Variants in SMAD3 observed in about 807,000 individuals in gnomAD.
SMAD3 encodes MAD homolog 3.
SMAD3 carries 12 observed loss-of-function variants against 51.8 expected under a neutral mutation model. The ratio of observed to expected loss-of-function variants is 0.23; its 90% CI spans 0.15 to 0.38. The LOEUF is 0.38. Among genes scored for constraint, SMAD3 ranks in the 10% least tolerant of loss-of-function variants. SMAD3 has a pLI of 1.00. For missense variants in SMAD3, 294 were observed against 565.6 expected (o/e 0.52, Z 4.87); for synonymous variants, 238 against 227.7 (o/e 1.05, Z -0.41).
In SMAD3 at chr15:67,165,094, C is replaced by A; in HGVS notation, c.400+6C>A. ...CCAGAGAGTAGAGACACCAGGTATG[C>A]TGCCTGGCCTGCCTGTGGGGACAGC... On this transcript the variant is annotated splice_donor_region_variant and intron_variant, in intron 2 of 8. Coordinates refer to ENST00000327367, the MANE Select transcript of SMAD3 (RefSeq NM_005902.4). 2.5e-6 allele frequency: 4 copies of A among 1,613,396 alleles called. No individual in the cohort carries two copies. Among genetic ancestry groups the A allele is most frequent in the Non-Finnish European group, 3.4e-6 (4 of 1,179,342 alleles).
At chr15:67,138,352 T>G in intron 1 of SMAD3, 5 of 435,152 alleles carry the variant, frequency 1.1e-5, no homozygotes, top group East Asian at 8.2e-5. Context: ...GAACCCCCCC[T>G]CCCCCGGCCC....
intron 1 of SMAD3, among the ~76,000 whole-genome samples, chr15:67,114,322 C>T (rs185634450): frequency 4.6e-5 from 7 of 152,282 alleles, no homozygotes; most frequent in Non-Finnish European, 2.9e-5. Flanking sequence ...AACAGCTTCT[C>T]ATGGAATTGG....
At chr15:67,104,829 G>A (rs990301906) in intron 1 of SMAD3, among the ~76,000 whole-genome samples, 5 of 152,378 alleles carry the variant, frequency 3.3e-5, no homozygotes, top group African/African-American at 7.2e-5. Context: ...GAATGAAGCC[G>A]TTTCCATTAA....
In SMAD3 at chr15:67,182,986, T is replaced by TAAAA. The variant is rs35277759; in HGVS notation, c.871+1545_871+1548dup. Reference sequence around the variant, plus strand: ...CAACTGGCTTTTTTCTATATTTTATTAAAAAAAAAAAAAAATATATATATA... The same window carrying TAAAA: ...CAACTGGCTTTTTTCTATATTTTATTAAAAAAAAAAAAAAAAAAATATATATATA... On this transcript the variant is annotated intron_variant, in intron 6 of 8. Coordinates refer to ENST00000327367, the MANE Select transcript of SMAD3 (RefSeq NM_005902.4). 4.6e-3 allele frequency among the ~76,000 whole-genome samples: 223 copies of TAAAA among 48,036 alleles called. 2 individuals are homozygous for TAAAA. The highest frequency in any genetic ancestry group is 6.6e-3 in the Non-Finnish European group (202 of 30,642). The allele number at this position is 48,036 out of a possible 152,430, so 31.5% of individuals were successfully genotyped here.
intron 7 of SMAD3, chr15:67,186,521 G>A (rs1156477152): frequency 6.5e-6 from 1 of 153,932 alleles, no homozygotes; most frequent in Non-Finnish European, 1.4e-5. Flanking sequence ...GCCTGCTGTT[G>A]GCTCATTCAT....
chr15:67,129,737 G>A (rs1961476885), intron 1 of SMAD3, among the ~76,000 whole-genome samples: 1 of 152,170 alleles, frequency 6.6e-6, no homozygotes, highest in Non-Finnish European at 1.5e-5. Context: ...GTTTAATACA[G>A]TGTATCCCAA....
chr15:67,072,059 C>A (rs981473831), intron 1 of SMAD3, among the ~76,000 whole-genome samples: 1 of 152,148 alleles, frequency 6.6e-6, no homozygotes, highest in Non-Finnish European at 1.5e-5. Context: ...GCATTTAATT[C>A]TGATGAGAAA....
chr15:67,105,456 A>G (rs995915343), intron 1 of SMAD3, among the ~76,000 whole-genome samples: 2 of 152,174 alleles, frequency 1.3e-5, no homozygotes, highest in Admixed American at 6.5e-5. Flanking sequence ...CAGAGCCCCT[A>G]CGGGAAGCAA....
intron 4 of SMAD3, among the ~76,000 whole-genome samples, chr15:67,169,423 C>T (rs2140299776): frequency 6.6e-6 from 1 of 152,256 alleles, no homozygotes; most frequent in East Asian, 1.9e-4. Flanking sequence ...TGGACCCAGT[C>T]TCAGGACTGA....
intron 1 of SMAD3, chr15:67,138,344 A>T: frequency 2.6e-5 from 11 of 418,238 alleles, no homozygotes; most frequent in Non-Finnish European, 4.8e-5. Flanking sequence ...CCTCCCCTGA[A>T]CCCCCCCTCC....
chr15:67,191,937 GGAAAAAA>G lies in SMAD3; in HGVS notation c.*1411_*1417del, dbSNP rs752492048. 4.4e-5 allele frequency: 10 copies of G among 227,518 alleles called. No individual in the cohort carries two copies. The highest frequency in any genetic ancestry group is 7.9e-5 in the Non-Finnish European group (9 of 114,394). The allele number at this position is 227,518 out of a possible 1,614,324, so 14.1% of individuals were successfully genotyped here. On this transcript the variant is annotated 3_prime_UTR_variant, in exon 9 of 9. Coordinates refer to ENST00000327367, the MANE Select transcript of SMAD3 (RefSeq NM_005902.4). ...AAAACTAGTCTAAATTATTTCAACT[GGAAAAAA>G]GAAAAAAGAGTCCTCTTCTTTTCCC...
chr15:67,150,845 G>GTTTTTTT (rs1342434861), intron 1 of SMAD3, among the ~76,000 whole-genome samples: 26 of 14,356 alleles, frequency 1.8e-3, no homozygotes, highest in Non-Finnish European at 3.2e-3. Flanking sequence ...CTATTTCTCA[G>GTTTTTTT]TCTTTTTTTT....
chr15:67,106,545 A>G lies in SMAD3; in HGVS notation c.206+40185A>G, dbSNP rs146489712. On this transcript the variant is annotated intron_variant, in intron 1 of 8. Transcript: ENST00000327367. ...CTTCTGAGACCCTACTCCAGCTTGT[A>G]GTTCTAAATCTGTGATTATGCACTG... Among the ~76,000 whole-genome samples, 372 of 152,252 alleles carry G rather than the reference A, an allele frequency of 2.4e-3. 3 individuals are homozygous for G. Among genetic ancestry groups the G allele is most frequent in the Middle Eastern group, 0.02 (6 of 294 alleles).
chr15:67,186,355 C>T (rs1446481583), intron 7 of SMAD3, among the ~76,000 whole-genome samples: 1 of 152,228 alleles, frequency 6.6e-6, no homozygotes, highest in Non-Finnish European at 1.5e-5. Context: ...GCCCCACCCC[C>T]ATCTTTTGGG....
intron 1 of SMAD3, among the ~76,000 whole-genome samples, chr15:67,140,113 ACT>A (rs1366182432): frequency 7.4e-6 from 1 of 134,418 alleles, no homozygotes; most frequent in East Asian, 2.3e-4. Flanking sequence ...CAAGAGTGAA[ACT>A]CTGTCTCAAA....
At chr15:67,161,793 G>C (rs1415527479) in intron 1 of SMAD3, among the ~76,000 whole-genome samples, 1 of 152,080 alleles carries the variant, frequency 6.6e-6, no homozygotes, top group Non-Finnish European at 1.5e-5. Flanking sequence ...TCAGGAGGTC[G>C]GGGGGCAGAA....
chr15:67,156,068 T>A (rs759021429), intron 1 of SMAD3, among the ~76,000 whole-genome samples: 6 of 150,932 alleles, frequency 4.0e-5, no homozygotes, highest in Non-Finnish European at 8.9e-5. Flanking sequence ...GGGAAAGAGA[T>A]GGGGAGGATA....
chr15:67,093,466 C>CA (rs1381152312), intron 1 of SMAD3, among the ~76,000 whole-genome samples: 1 of 152,202 alleles, frequency 6.6e-6, no homozygotes, highest in African/African-American at 2.4e-5. Context: ...TTGTGACTGT[C>CA]ACGCTCCTGG....
intron 4 of SMAD3, 96 bp downstream of exon 4, chr15:67,166,949 C>G: frequency 1.1e-6 from 1 of 944,742 alleles, no homozygotes; most frequent in Non-Finnish European, 1.7e-6. Context: ...CCCTCCCTCC[C>G]TTCTATCTCT....
Sources: allele counts gnomAD v4.1 joint callset (sites outside exome capture counted in the v4.1 genomes callset), GRCh38; gene constraint gnomAD v4.1.1; transcripts MANE v1.5; gene names NCBI Gene and HGNC (gene_info 2026-07-23, HGNC 2026-07-21).